ANO8: variants seen among roughly 807,000 people sequenced by gnomAD.
ANO8 encodes anoctamin-8.
Under a neutral mutation model 120.4 loss-of-function variants are expected in ANO8, and 67 were observed. That is an observed-to-expected ratio of 0.56 (90% CI 0.46 to 0.68). The LOEUF (loss-of-function observed/expected upper bound fraction) is 0.68, where lower values mean the gene tolerates loss of function less well. ANO8 is among the 30% of genes least tolerant of loss of function. The probability of loss-of-function intolerance (pLI) is 0.00; values close to 1 mark genes in which losing one functional copy is unlikely to be tolerated. For missense variants in ANO8, 1,526 were observed against 1,737.6 expected (o/e 0.88, Z 2.16); for synonymous variants, 727 against 759.2 (o/e 0.96, Z 0.70).
intron 1 of ANO8, 56 bp downstream of exon 1, chr19:17,334,509 G>A: frequency 7.1e-7 from 1 of 1,398,886 alleles, no homozygotes; most frequent in Admixed American, 2.1e-5. Flanking sequence ...CCGTGTAGTT[G>A]ACGCGGGCTC....
At chr19:17,330,065 G>A (rs775581600) in intron 10 of ANO8, 51 bp from the exon 11 acceptor site, 17 of 1,613,770 alleles carry the variant, frequency 1.1e-5, no homozygotes, top group African/African-American at 1.3e-5. Context: ...CCCCAAGGGT[G>A]GCAGGGATCC....
intron 5 of ANO8, among the ~76,000 whole-genome samples, chr19:17,331,957 A>G (rs2074322304): frequency 2.7e-5 from 1 of 37,082 alleles, no homozygotes; most frequent in Non-Finnish European, 5.6e-5. Context: ...TTTTTTTTAG[A>G]CGGGGTCTAG....
At position 17,324,792 on chromosome 19, in the gene ANO8, C is replaced by G; in HGVS notation, c.3256G>C (p.Val1086Leu). Reference sequence around the variant, plus strand: ...TCGTCCACCGGCCCACTCCTCTGAACCCGGCTGCTGCCACTGCTGGGGGTC... The same window carrying G: ...TCGTCCACCGGCCCACTCCTCTGAAGCCGGCTGCTGCCACTGCTGGGGGTC... Reference protein sequence around the residue: ...DGTPSSGSSRVQRSGPVDEAL... With the variant: ...DGTPSSGSSRLQRSGPVDEAL... Residue 1086 changes from valine (V) to leucine (L), a missense_variant, in exon 17 of 18, where the codon GTT becomes CTT. Around this residue, in one of 8 missense-constraint regions of ANO8, gnomAD observed 489 missense variants for 548.6 expected, o/e 0.89. Transcript: ENST00000159087. The G allele has an allele frequency of 6.3e-7, 1 of 1,590,120 alleles. No individual in the cohort carries two copies. The highest frequency in any genetic ancestry group is 8.6e-7 in the Non-Finnish European group (1 of 1,168,544).
Position 17,323,724 on chromosome 19 carries a change from G to A in ANO8, c.3492C>T (p.Pro1164=). ...PWGCGGEGAA[P]RQALAAAECP... ...ACTCGGCAGCGGCCAGGGCCTGGCG[G>A]GGGGCGGCACCCTCGCCCCCGCAGC... Residue 1164 remains proline, a synonymous_variant, in exon 18 of 18, where the codon CCC becomes CCT. Transcript: ENST00000159087. 8.3e-7 allele frequency: 1 copy of A among 1,209,956 alleles called. No homozygotes were observed. The highest frequency in any genetic ancestry group is 1.0e-6 in the Non-Finnish European group (1 of 973,086). The allele number at this position is 1,209,956 out of a possible 1,614,324, so 75.0% of individuals were successfully genotyped here.
intron 5 of ANO8, 111 bp from the exon 6 acceptor site, chr19:17,331,522 T>C (rs1391562741): frequency 1.1e-6 from 1 of 891,976 alleles, no homozygotes. Flanking sequence ...CTTAAACCTC[T>C]AGAGCTCTTT....
At position 17,329,738 on chromosome 19, in the gene ANO8, G is replaced by A. The variant is rs761549121; in HGVS notation, c.1404+19C>T. The A allele has an allele frequency of 2.5e-6, 4 of 1,604,770 alleles. No individual in the cohort carries two copies. Among genetic ancestry groups the A allele is most frequent in the Admixed American group, 1.7e-5 (1 of 59,030 alleles). Reference sequence around the variant, plus strand: ...CGCCATGGGGGCAGGGGGGACTGCCGCTGGGGCGGGGGTCTCACCTCTTTC... The same window carrying A: ...CGCCATGGGGGCAGGGGGGACTGCCACTGGGGCGGGGGTCTCACCTCTTTC... On this transcript the variant is annotated intron_variant, in intron 12 of 17. Coordinates refer to ENST00000159087, the MANE Select transcript of ANO8 (RefSeq NM_020959.3).
intron 11 of ANO8, 43 bp from the exon 12 acceptor site, chr19:17,329,874 C>G: frequency 6.2e-7 from 1 of 1,613,262 alleles, no homozygotes; most frequent in Admixed American, 1.7e-5. Flanking sequence ...CACCCCCACC[C>G]GACTCCTTGG....
rs752021536 is a variant in ANO8 at position 17,328,489 on chromosome 19, C to T, written c.1899G>A (p.Pro633=). The part of the protein sequence containing the change: ...GAGRRRPGPS[P]EALLEEGSPT... ...GGCTCCCTTCCTCCAGGAGGGCCTC[C>T]GGGCTTGGGCCGGGCCGACGCCGCC... is the stretch of plus-strand genomic sequence containing the variant. The change falls in exon 13 of 18, where the codon CCG becomes CCA. Residue 633 remains proline (P), a synonymous_variant. Coordinates refer to ENST00000159087, the MANE Select transcript of ANO8 (RefSeq NM_020959.3). The T allele has an allele frequency of 1.3e-6, 2 of 1,560,122 alleles. No homozygotes were observed. The highest frequency in any genetic ancestry group is 8.7e-7 in the Non-Finnish European group (1 of 1,155,944).
Position 17,328,911 on chromosome 19 carries a change from G to C in ANO8, c.1477C>G (p.Arg493Gly). The C allele has an allele frequency of 6.6e-7, 1 of 1,508,794 alleles. No homozygotes were observed. The highest frequency in any genetic ancestry group is 8.8e-7 in the Non-Finnish European group (1 of 1,131,742). The allele number at this position is 1,508,794 out of a possible 1,614,324, so 93.5% of individuals were successfully genotyped here. Reference sequence around the variant, plus strand: ...CCCAGCTCGCCGCGGCCCAGGCGCCGGTACAGGTGCGGCTGCAGGACCTCG... The same window carrying C: ...CCCAGCTCGCCGCGGCCCAGGCGCCCGTACAGGTGCGGCTGCAGGACCTCG... Reference protein sequence around the residue: ...VREVLQPHLYRRLGRGELGLR... With the variant: ...VREVLQPHLYGRLGRGELGLR... Residue 493 changes from arginine (R) to glycine (G), a missense_variant, in exon 13 of 18, where the codon CGG becomes GGG. Arg to Gly is a moderately radical substitution (Grantham distance 125). Around this residue, in one of 8 missense-constraint regions of ANO8, gnomAD observed 467 missense variants for 425.8 expected, o/e 1.10. Transcript: ENST00000159087.
intron 5 of ANO8, among the ~76,000 whole-genome samples, chr19:17,332,230 C>T (rs988001772): frequency 1.4e-5 from 2 of 145,266 alleles, no homozygotes; most frequent in Admixed American, 6.8e-5. Context: ...CCACCGCGCC[C>T]GGCCTTATTT....
Position 17,328,826 on chromosome 19 carries a change from G to C in ANO8, c.1562C>G (p.Pro521Arg), listed in dbSNP as rs1421767160. The stretch of plus-strand genomic sequence containing the variant: ...CTGGGGTTCGAGGCGGCGGGGCGCA[G>C]GGCGCCGGAGGCTCAGGAGGCCAAG... ...ALLGLLSLRR[P>R]APRRLEPQAD... is the part of the protein sequence containing the mutation. Residue 521 changes from proline to arginine, a missense_variant, in exon 13 of 18, where the codon CCT becomes CGT. This residue lies in a region of ANO8 where 467 missense variants were observed against 425.8 expected (regional missense o/e 1.10). Coordinates refer to ENST00000159087, the MANE Select transcript of ANO8 (RefSeq NM_020959.3). The C allele has an allele frequency of 1.5e-5, 21 of 1,436,066 alleles. No homozygotes were observed. Among genetic ancestry groups the C allele is most frequent in the Non-Finnish European group, 1.8e-5 (20 of 1,099,342 alleles). 89.0% of individuals were successfully genotyped at this position (1,436,066 alleles called of 1,614,324 possible).
chr19:17,334,794 G>T lies in ANO8; in HGVS notation c.-124C>A. On this transcript the variant is annotated 5_prime_UTR_variant, in exon 1 of 18. Coordinates refer to ENST00000159087, the MANE Select transcript of ANO8 (RefSeq NM_020959.3). ...GACAAAGGCCGCGCCCGCCCGCGCC[G>T]GCCTCGGTCCTCGCTCGCCCGAGCG... is the stretch of plus-strand genomic sequence containing the variant. The T allele has an allele frequency of 1.7e-6, 2 of 1,163,116 alleles. No homozygotes were observed. The highest frequency in any genetic ancestry group is 2.3e-6 in the Non-Finnish European group (2 of 877,558). The allele number at this position is 1,163,116 out of a possible 1,614,324, so 72.0% of individuals were successfully genotyped here.
Position 17,327,695 on chromosome 19 carries a change from C to T in ANO8, c.2412G>A (p.Gln804=). Residue 804 remains glutamine (Q), a synonymous_variant, in exon 14 of 18, where the codon CAG becomes CAA. Transcript: ENST00000159087. ...TCTCTTGGCTTCCCCCCACCTGCCA[C>T]TGGCCGATGCTTTCCACGCGCTGGC... The part of the protein sequence containing the change: ...PFGQRVESIG[Q]WQKVMEAMGV... 3 of 1,612,748 alleles carry T rather than the reference C, an allele frequency of 1.9e-6. No individual in the cohort carries two copies. The highest frequency in any genetic ancestry group is 2.5e-6 in the Non-Finnish European group (3 of 1,179,280).
chr19:17,323,403 A>C lies in ANO8; in HGVS notation c.*114T>G, dbSNP rs1008776960. On this transcript the variant is annotated 3_prime_UTR_variant, in exon 18 of 18. Coordinates refer to ENST00000159087, the MANE Select transcript of ANO8 (RefSeq NM_020959.3). The stretch of plus-strand genomic sequence containing the variant: ...GAAAGGAAAACGGCAGATGGGGGGC[A>C]CCGACCAATACTGGGGGCCCTCGGG... 1 of 1,092,128 alleles carries C rather than the reference A, an allele frequency of 9.2e-7. No individual in the cohort carries two copies. The highest frequency in any genetic ancestry group is 1.6e-5 in the African/African-American group (1 of 61,636). 67.7% of individuals were successfully genotyped at this position (1,092,128 alleles called of 1,614,324 possible). A position where few individuals can be genotyped will look rare whatever the true frequency, so the allele number is the denominator to read the frequency against.
At chr19:17,331,963 TCTAG>T (rs2074322416) in intron 5 of ANO8, among the ~76,000 whole-genome samples, 1 of 77,198 alleles carries the variant, frequency 1.3e-5, no homozygotes, top group South Asian at 4.5e-4. Flanking sequence ...TTAGACGGGG[TCTAG>T]CTGTGTCACC....
In ANO8 at chr19:17,323,304, G is replaced by T. The variant is rs988799714; in HGVS notation, c.*213C>A. On this transcript the variant is annotated 3_prime_UTR_variant, in exon 18 of 18. Coordinates refer to ENST00000159087, the MANE Select transcript of ANO8 (RefSeq NM_020959.3). ...ATAAATTAAAAACAAATAAATAATC[G>T]CCTGTTCTGTGTGTGTGTGTGTGTG... 7.5e-6 allele frequency: 2 copies of T among 266,590 alleles called. No individual in the cohort carries two copies. Among genetic ancestry groups the T allele is most frequent in the Non-Finnish European group, 6.8e-6 (1 of 146,140 alleles). The allele number at this position is 266,590 out of a possible 1,614,324, so 16.5% of individuals were successfully genotyped here.
intron 16 of ANO8, among the ~76,000 whole-genome samples, chr19:17,325,884 T>C (rs1406766743): frequency 1.3e-5 from 2 of 152,136 alleles, no homozygotes; most frequent in Non-Finnish European, 2.9e-5. Flanking sequence ...GCTGAGATTG[T>C]GCCATTGCAC....
intron 12 of ANO8, 64 bp downstream of exon 12, chr19:17,329,693 G>A (rs534517041): frequency 5.2e-5 from 70 of 1,356,570 alleles, no homozygotes; most frequent in Non-Finnish European, 6.9e-5. Context: ...CCCTTGTGCC[G>A]GGTCTGGCCC....
In ANO8 at chr19:17,323,311, CTGTGTGTGTGTGTGTGTG is replaced by C. The variant is rs58263758; in HGVS notation, c.*188_*205del. 4.3e-5 allele frequency: 14 copies of C among 327,592 alleles called. No homozygotes were observed. Among genetic ancestry groups the C allele is most frequent in the African/African-American group, 1.3e-4 (6 of 45,710 alleles). The allele number at this position is 327,592 out of a possible 1,614,324, so 20.3% of individuals were successfully genotyped here. A position where few individuals can be genotyped will look rare whatever the true frequency, so the allele number is the denominator to read the frequency against. ...AAAAACAAATAAATAATCGCCTGTT[CTGTGTGTGTGTGTGTGTG>C]TGTGTGTGTGTGTGTTTTCTGTTGG... On this transcript the variant is annotated 3_prime_UTR_variant, in exon 18 of 18. Coordinates refer to ENST00000159087, the MANE Select transcript of ANO8 (RefSeq NM_020959.3).
Sources: allele counts gnomAD v4.1 joint callset (sites outside exome capture counted in the v4.1 genomes callset), GRCh38; gene constraint gnomAD v4.1.1; regional missense constraint gnomAD v4.1.1; transcripts MANE v1.5; gene names NCBI Gene and HGNC (gene_info 2026-07-23, HGNC 2026-07-21).